The following CRISPLD1 variants were observed in gnomAD, a reference collection of about 807,000 sequenced individuals.
The protein encoded by CRISPLD1 is cysteine-rich secretory protein LCCL domain-containing 1.
In CRISPLD1, 60 loss-of-function variants were observed where a neutral mutation model predicts 77.5. The ratio of observed to expected loss-of-function variants is 0.77; its 90% CI spans 0.63 to 0.96. The LOEUF is 0.96. Among genes scored for constraint, CRISPLD1 ranks in the 40% least tolerant of loss-of-function variants. CRISPLD1 has a pLI of 0.00. For synonymous variants in CRISPLD1, 195 were observed against 200.1 expected (o/e 0.97, Z 0.22); for missense variants, 623 against 615.8 (o/e 1.01, Z -0.12).
intron 2 of CRISPLD1, among the ~76,000 whole-genome samples, chr8:75,000,858 G>GA (rs1281782972): frequency 1.3e-5 from 2 of 149,762 alleles, no homozygotes; most frequent in East Asian, 3.9e-4. Flanking sequence ...TGGGATGAAT[G>GA]AAAAAAAATG....
chr8:74,988,307 A>G (rs1164465216), intron 2 of CRISPLD1, among the ~76,000 whole-genome samples: 1 of 152,224 alleles, frequency 6.6e-6, no homozygotes, highest in East Asian at 1.9e-4. Flanking sequence ...TAAACTGGCT[A>G]AAGAGCTATT....
In CRISPLD1 at chr8:75,017,405, A is replaced by G. The variant is rs774775508; in HGVS notation, c.1082A>G (p.Lys361Arg). 5.6e-6 allele frequency: 9 copies of G among 1,611,186 alleles called. No individual in the cohort carries two copies. The highest frequency in any genetic ancestry group is 2.2e-5 in the East Asian group (1 of 44,600). The part of the protein sequence containing the change: ...GWVDITRQGR[K>R]HYFIKSNRNG... ...GTAGATATCACTAGACAAGGAAGAA[A>G]GCATTATTTCATCAAGTCCAATAGA... The change falls in exon 10 of 15, where the codon AAG (lysine) becomes AGG (arginine). Residue 361 changes from lysine (K) to arginine (R), a missense_variant. Coordinates refer to ENST00000262207, the MANE Select transcript of CRISPLD1 (RefSeq NM_031461.6).
intron 13 of CRISPLD1, among the ~76,000 whole-genome samples, chr8:75,027,620 T>C (rs191945601): frequency 8.1e-4 from 123 of 152,300 alleles, no homozygotes; most frequent in Admixed American, 1.7e-3. Flanking sequence ...GTTGGAAATA[T>C]AAAGATTACT....
chr8:74,988,819 C>T (rs933943800), intron 2 of CRISPLD1, among the ~76,000 whole-genome samples: 5 of 152,110 alleles, frequency 3.3e-5, no homozygotes, highest in Middle Eastern at 3.4e-3. Flanking sequence ...TGGGTGACAG[C>T]GAGACACTGC....
chr8:75,010,336 G>C (rs532256087), intron 2 of CRISPLD1, among the ~76,000 whole-genome samples: 26 of 152,076 alleles, frequency 1.7e-4, no homozygotes, highest in African/African-American at 3.1e-4. Context: ...TTTGTCCCTA[G>C]GGTGTTTTCC....
At chr8:75,002,466 C>G (rs1038500039) in intron 2 of CRISPLD1, among the ~76,000 whole-genome samples, 24 of 147,912 alleles carry the variant, frequency 1.6e-4, no homozygotes, top group African/African-American at 6.1e-4. Flanking sequence ...GAAACAAATG[C>G]CACAATAACT....
chr8:75,014,007 CAG>C lies in CRISPLD1; in HGVS notation c.533_534del (p.Arg178AsnfsTer6). 1 of 1,612,790 alleles carries C rather than the reference CAG, an allele frequency of 6.2e-7. No individual in the cohort carries two copies. Among genetic ancestry groups the C allele is most frequent in the South Asian group, 1.1e-5 (1 of 91,040 alleles). ...YTQVVWATSNRIGCAINLCHN... is the reference protein window; with the variant it reads ...YTQVVWATSNXIGCAINLCHN... Reference sequence around the variant, plus strand: ...CATAGGTCGTGTGGGCAACTAGTAACAGAATCGGTTGTGCCATTAATTTGTGT... The same window carrying C: ...CATAGGTCGTGTGGGCAACTAGTAACAATCGGTTGTGCCATTAATTTGTGT... On this transcript the variant is annotated frameshift_variant, in exon 5 of 15. Coordinates refer to ENST00000262207, the MANE Select transcript of CRISPLD1 (RefSeq NM_031461.6). LOFTEE classifies it high-confidence loss of function.
Position 75,032,441 on chromosome 8 carries a change from T to A in CRISPLD1, c.*199T>A, listed in dbSNP as rs1813367924. 4.8e-6 allele frequency: 2 copies of A among 412,948 alleles called. No homozygotes were observed. The highest frequency in any genetic ancestry group is 1.4e-4 in the South Asian group (2 of 13,840). 25.6% of individuals were successfully genotyped at this position (412,948 alleles called of 1,614,324 possible). ...AGCTTTGGGAAAAGTAATGAAAATATAATGGTTTTAGAAATCCTGTGTTAA... is the reference window on the plus strand; with the variant it reads ...AGCTTTGGGAAAAGTAATGAAAATAAAATGGTTTTAGAAATCCTGTGTTAA... On this transcript the variant is annotated 3_prime_UTR_variant, in exon 15 of 15. Coordinates refer to ENST00000262207, the MANE Select transcript of CRISPLD1 (RefSeq NM_031461.6).
rs1300849719 is a variant in CRISPLD1 at position 75,016,670 on chromosome 8, G to A, written c.833G>A (p.Ser278Asn). 1.2e-6 allele frequency: 2 copies of A among 1,613,086 alleles called. No individual in the cohort carries two copies. Among genetic ancestry groups the A allele is most frequent in the African/African-American group, 1.3e-5 (1 of 74,890 alleles). Reference protein sequence around the residue: ...DTHVRTRSDDSSRNEVISAQQ... With the variant: ...DTHVRTRSDDNSRNEVISAQQ... Reference sequence around the variant, plus strand: ...CATGTCCGGACAAGATCAGATGATAGTAGCAGAAATGAAGTCATAAGCGCA... The same window carrying A: ...CATGTCCGGACAAGATCAGATGATAATAGCAGAAATGAAGTCATAAGCGCA... The change falls in exon 7 of 15, where the codon AGT becomes AAT. Residue 278 changes from serine (S) to asparagine (N), a missense_variant. Coordinates refer to ENST00000262207, the MANE Select transcript of CRISPLD1 (RefSeq NM_031461.6).
chr8:74,985,964 G>C lies in CRISPLD1; in HGVS notation c.-24G>C. 4 of 1,595,584 alleles carry C rather than the reference G, an allele frequency of 2.5e-6. No homozygotes were observed. The highest frequency in any genetic ancestry group is 3.4e-6 in the Non-Finnish European group (4 of 1,166,962). ...AAGAGCCTGTCTTGGAGATTTTCCT[G>C]GGGAAATCCTGAGGTCATTCATTAT... is the stretch of plus-strand genomic sequence containing the variant. On this transcript the variant is annotated 5_prime_UTR_variant, in exon 2 of 15. Transcript: ENST00000262207.
At chr8:74,991,147 C>T (rs1190064879) in intron 2 of CRISPLD1, among the ~76,000 whole-genome samples, 1 of 152,070 alleles carries the variant, frequency 6.6e-6, no homozygotes, top group Non-Finnish European at 1.5e-5. Flanking sequence ...TGCGCACCAC[C>T]ACTGCCAGCT....
At chr8:75,019,831 A>G in intron 10 of CRISPLD1, 39 bp from the exon 11 acceptor site, 2 of 1,514,730 alleles carry the variant, frequency 1.3e-6, no homozygotes, top group Non-Finnish European at 1.8e-6. Context: ...GCTGATGCCT[A>G]TATGAAAATA....
chr8:75,006,638 G>T (rs1471635596), intron 2 of CRISPLD1, among the ~76,000 whole-genome samples: 1 of 152,040 alleles, frequency 6.6e-6, no homozygotes, highest in African/African-American at 2.4e-5. Flanking sequence ...CTGTGTAGCG[G>T]TTAGGGTGTT....
chr8:75,015,430 A>G (rs1387688201), intron 6 of CRISPLD1, among the ~76,000 whole-genome samples: 5 of 152,170 alleles, frequency 3.3e-5, no homozygotes, highest in African/African-American at 1.2e-4. Context: ...TAAAACTACT[A>G]TAAAAGTAGT....
chr8:75,026,570 G>A (rs531700775), intron 13 of CRISPLD1: 2 of 152,334 alleles, frequency 1.3e-5, no homozygotes, highest in African/African-American at 4.8e-5. Flanking sequence ...ACATCAGTGT[G>A]TAGACAAAGT....
chr8:75,014,864 T>G lies in CRISPLD1; in HGVS notation c.679T>G (p.Cys227Gly). The G allele has an allele frequency of 6.3e-7, 1 of 1,580,610 alleles. No homozygotes were observed. Among genetic ancestry groups the G allele is most frequent in the Non-Finnish European group, 8.6e-7 (1 of 1,168,922 alleles). Residue 227 changes from cysteine (C) to glycine (G), a missense_variant, in exon 6 of 15, where the codon TGC (cysteine) becomes GGC (glycine). Cys to Gly is a radical substitution (Grantham distance 159). Transcript: ENST00000262207. ...CAAACATGGGCGGCCCTGTTCTGCT[T>G]GCCCACCTAGTTTTGGAGGGGGCTG... ...PYKHGRPCSACPPSFGGGCRE... is the reference protein window; with the variant it reads ...PYKHGRPCSAGPPSFGGGCRE...
At chr8:74,990,310 G>A (rs533679817) in intron 2 of CRISPLD1, among the ~76,000 whole-genome samples, 1 of 151,612 alleles carries the variant, frequency 6.6e-6, no homozygotes, top group South Asian at 2.1e-4. Flanking sequence ...AAACAAACCT[G>A]ATAGGTTGTA....
At position 74,986,195 on chromosome 8, in the gene CRISPLD1, A is replaced by G. The variant is rs1222237810; in HGVS notation, c.208A>G (p.Asn70Asp). The G allele has an allele frequency of 6.2e-7, 1 of 1,614,082 alleles. No homozygotes were observed. Among genetic ancestry groups the G allele is most frequent in the East Asian group, 2.2e-5 (1 of 44,900 alleles). The change falls in exon 2 of 15, where the codon AAT (asparagine) becomes GAT (aspartate). Residue 70 changes from asparagine (N) to aspartate (D), a missense_variant. Transcript: ENST00000262207. ...CATGCAGAGTATTTTGGACCTTCAT[A>G]ATAAATTACGAAGTCAGGTGTATCC... ...NDMQSILDLH[N>D]KLRSQVYPTA... is the part of the protein sequence containing the mutation.
rs551577750 is a variant in CRISPLD1, at chr8:75,029,554, C to G, written c.1451+37C>G. The G allele has an allele frequency of 2.6e-5, 41 of 1,580,836 alleles. 1 individual carries two copies. In the South Asian group the frequency reaches 3.9e-4, roughly 15 times the overall value. Reference sequence around the variant, plus strand: ...ACATATGTATGTATACTTTTAAATACCATCTATCACTGTATTCATGATTGC... The same window carrying G: ...ACATATGTATGTATACTTTTAAATAGCATCTATCACTGTATTCATGATTGC... On this transcript the variant is annotated intron_variant, in intron 14 of 14. Coordinates refer to ENST00000262207, the MANE Select transcript of CRISPLD1 (RefSeq NM_031461.6).
Sources: gnomAD v4.1 joint callset for allele counts (sites outside exome capture counted in the v4.1 genomes callset) on GRCh38, gnomAD v4.1.1 for gene constraint, MANE v1.5 for transcripts, NCBI Gene and HGNC (gene_info 2026-07-23, HGNC 2026-07-21) for gene names.